The following UBTD2 variants were observed in gnomAD, a reference collection of about 807,000 sequenced individuals.
UBTD2 encodes ubiquitin domain-containing protein 2.
In UBTD2, 9 loss-of-function variants were observed where a neutral mutation model predicts 19.8. The observed-to-expected ratio is 0.46, with a 90% CI of 0.27 to 0.79. UBTD2 has a LOEUF of 0.79. Among genes scored for constraint, UBTD2 ranks in the 30% least tolerant of loss-of-function variants. UBTD2 has a pLI of 0.14. For missense variants in UBTD2, 250 were observed against 300.4 expected, an observed-to-expected ratio of 0.83 and a Z score of 1.24; for synonymous variants, 98 against 103.9, an observed-to-expected ratio of 0.94 and a Z score of 0.35.
chr5:172,266,935 G>A (rs1037178612), intron 1 of UBTD2, among the ~76,000 whole-genome samples: 7 of 151,462 alleles, frequency 4.6e-5, no homozygotes, highest in African/African-American at 1.5e-4. Context: ...AGCTACCCCA[G>A]AGGCTGCCTG....
At chr5:172,256,924 A>C (rs1363728301) in intron 1 of UBTD2, among the ~76,000 whole-genome samples, 1 of 152,208 alleles carries the variant, frequency 6.6e-6, no homozygotes, top group African/African-American at 2.4e-5. Flanking sequence ...ATCTCAAAAA[A>C]AAGTTTCTAA....
chr5:172,256,704 T>C (rs1581227856), intron 1 of UBTD2, among the ~76,000 whole-genome samples: 1 of 152,094 alleles, frequency 6.6e-6, no homozygotes, highest in East Asian at 1.9e-4. Flanking sequence ...GCAGATCACC[T>C]GAGGTCAGGA....
intron 1 of UBTD2, chr5:172,254,752 T>A: frequency 3.6e-6 from 1 of 277,774 alleles, no homozygotes; most frequent in Non-Finnish European, 6.8e-6. Context: ...ACTGAGTTCA[T>A]TAAGGGGGGG....
At chr5:172,221,636 T>C (rs1048731283) in intron 2 of UBTD2, among the ~76,000 whole-genome samples, 1 of 152,152 alleles carries the variant, frequency 6.6e-6, no homozygotes, top group Non-Finnish European at 1.5e-5. Context: ...TATTTCACAC[T>C]TTGGAAAAGG....
intron 2 of UBTD2, among the ~76,000 whole-genome samples, chr5:172,218,468 T>C (rs886706442): frequency 6.6e-6 from 1 of 151,618 alleles, no homozygotes; most frequent in Non-Finnish European, 1.5e-5. Context: ...ATCAATGAAA[T>C]GGAAAAAATC....
chr5:172,227,124 C>T (rs886969704), intron 2 of UBTD2, among the ~76,000 whole-genome samples: 4 of 152,106 alleles, frequency 2.6e-5, no homozygotes. Flanking sequence ...ATAACATACT[C>T]CCTGGGACCA....
intron 2 of UBTD2, among the ~76,000 whole-genome samples, chr5:172,213,521 G>A (rs1771487989): frequency 6.6e-6 from 1 of 152,158 alleles, no homozygotes; most frequent in South Asian, 2.1e-4. Flanking sequence ...ATGACATAAC[G>A]AGCTAGCTCA....
intron 1 of UBTD2, among the ~76,000 whole-genome samples, chr5:172,258,281 T>G (rs1358807111): frequency 6.6e-6 from 1 of 152,186 alleles, no homozygotes; most frequent in Non-Finnish European, 1.5e-5. Flanking sequence ...CTTACTTTGT[T>G]GAAGATCAGA....
intron 2 of UBTD2, among the ~76,000 whole-genome samples, chr5:172,218,816 A>T (rs1279062597): frequency 1.1e-4 from 8 of 71,132 alleles, no homozygotes; most frequent in African/African-American, 2.5e-4. Context: ...AAAATAAAAA[A>T]TAAAAATAAA....
At chr5:172,271,055 T>C (rs192808634) in intron 1 of UBTD2, among the ~76,000 whole-genome samples, 3 of 152,160 alleles carry the variant, frequency 2.0e-5, no homozygotes, top group South Asian at 2.1e-4. Flanking sequence ...GCTATGTTTT[T>C]TCGTATCTCT....
chr5:172,211,508 T>C lies in UBTD2; in HGVS notation c.*322A>G, dbSNP rs188054619. 4.7e-6 allele frequency: 1 copy of C among 213,692 alleles called. No homozygotes were observed. The highest frequency in any genetic ancestry group is 1.0e-4 in the East Asian group (1 of 9,650). The allele number at this position is 213,692 out of a possible 1,614,324, so 13.2% of individuals were successfully genotyped here. A position where few individuals can be genotyped will look rare whatever the true frequency, so the allele number is the denominator to read the frequency against. On this transcript the variant is annotated 3_prime_UTR_variant, in exon 3 of 3. Coordinates refer to ENST00000393792, the MANE Select transcript of UBTD2 (RefSeq NM_152277.3). ...TTGGTGCTGTCCTTCATGGATGCAATGTTTCATTTACAGTCCAAGTCACTG... is the reference window on the plus strand; with the variant it reads ...TTGGTGCTGTCCTTCATGGATGCAACGTTTCATTTACAGTCCAAGTCACTG...
rs183250183 is a variant in UBTD2 at position 172,253,479 on chromosome 5, G to A, written c.71-19121C>T. Among the ~76,000 whole-genome samples the A allele has an allele frequency of 4.4e-3, 656 of 149,338 alleles. 4 individuals are homozygous for A. The highest frequency in any genetic ancestry group is 0.016 in the African/African-American group (635 of 40,632). On this transcript the variant is annotated intron_variant, in intron 1 of 2. Coordinates refer to ENST00000393792, the MANE Select transcript of UBTD2 (RefSeq NM_152277.3). Reference sequence around the variant, plus strand: ...TCAATTTTTTTTTTTTTTTGAGATGGAGTCTCACTCTGTTGCCAGGCTGTA... The same window carrying A: ...TCAATTTTTTTTTTTTTTTGAGATGAAGTCTCACTCTGTTGCCAGGCTGTA...
intron 1 of UBTD2, among the ~76,000 whole-genome samples, chr5:172,277,032 G>A (rs530915373): frequency 5.2e-5 from 6 of 114,574 alleles, no homozygotes; most frequent in Admixed American, 3.8e-4. Context: ...TCATGCCACT[G>A]TACTCCACCC....
At position 172,212,192 on chromosome 5, in the gene UBTD2, T is replaced by C; in HGVS notation, c.343A>G (p.Arg115Gly). Residue 115 changes from arginine to glycine, a missense_variant, in exon 3 of 3, where the codon AGA becomes GGA. By Grantham distance (125) the Arg-to-Gly change is moderately radical (BLOSUM62 -2). Coordinates refer to ENST00000393792, the MANE Select transcript of UBTD2 (RefSeq NM_152277.3). ...LTECYDELGN[R>G]YQLPVYCLAP... is the part of the protein sequence containing the mutation. ...AAGCAATACACTGGAAGCTGATATC[T>C]GTTCCCCAGTTCATCGTAGCACTCT... 6.2e-7 allele frequency: 1 copy of C among 1,612,376 alleles called. No homozygotes were observed. The highest frequency in any genetic ancestry group is 8.5e-7 in the Non-Finnish European group (1 of 1,178,474).
intron 2 of UBTD2, among the ~76,000 whole-genome samples, chr5:172,223,274 G>A (rs1222931704): frequency 1.3e-5 from 2 of 152,084 alleles, no homozygotes; most frequent in African/African-American, 4.8e-5. Flanking sequence ...TAAGTTTGGA[G>A]AGCAATAATT....
Position 172,212,020 on chromosome 5 carries a change from T to C in UBTD2, c.515A>G (p.Asp172Gly). The change falls in exon 3 of 3, where the codon GAC (aspartate) becomes GGC (glycine). Residue 172 changes from aspartate to glycine, a missense_variant. Asp to Gly is a moderately conservative substitution (Grantham distance 94). Transcript: ENST00000393792. ...KDLKLVVRST[D>G]TVFHMKRRLH... is the part of the protein sequence containing the mutation. ...CCGTCTCTTCATGTGGAATACTGTGTCTGTGCTGCGAACCACAAGCTTGAG... is the reference window on the plus strand; with the variant it reads ...CCGTCTCTTCATGTGGAATACTGTGCCTGTGCTGCGAACCACAAGCTTGAG... The C allele has an allele frequency of 6.2e-7, 1 of 1,614,232 alleles. No homozygotes were observed. The highest frequency in any genetic ancestry group is 1.7e-5 in the Admixed American group (1 of 60,034).
Position 172,283,750 on chromosome 5 carries a change from C to G in UBTD2, c.-85G>C, listed in dbSNP as rs1234295864. 5.0e-6 allele frequency: 5 copies of G among 992,898 alleles called. No homozygotes were observed. Among genetic ancestry groups the G allele is most frequent in the Non-Finnish European group, 6.3e-6 (5 of 797,390 alleles). The allele number at this position is 992,898 out of a possible 1,614,324, so 61.5% of individuals were successfully genotyped here. A position where few individuals can be genotyped will look rare whatever the true frequency, so the allele number is the denominator to read the frequency against. On this transcript the variant is annotated 5_prime_UTR_variant, in exon 1 of 3. Transcript: ENST00000393792. This position sits in a 1 kb window ranked among gnomAD's most constrained non-coding sequence, Gnocchi z 4.3. ...CCGCTGCAGCCTCCTCCGGCGCCAC[C>G]GCCGAGCTCCGGACAGGCGCGCCGC...
intron 1 of UBTD2, among the ~76,000 whole-genome samples, chr5:172,278,711 C>T (rs1755654180): frequency 6.6e-6 from 1 of 152,106 alleles, no homozygotes; most frequent in Non-Finnish European, 1.5e-5. Flanking sequence ...ATAATCAATG[C>T]CACTGAATTA....
intron 2 of UBTD2, among the ~76,000 whole-genome samples, chr5:172,232,797 T>A (rs931149461): frequency 2.0e-5 from 3 of 150,578 alleles, no homozygotes; most frequent in African/African-American, 4.9e-5. Context: ...GGTGGGAGGA[T>A]CTCTTGAGCC....
Sources: gnomAD v4.1 joint callset for allele counts (sites outside exome capture counted in the v4.1 genomes callset) on GRCh38, gnomAD v4.1.1 for gene constraint, Gnocchi (gnomAD v3.1) non-coding constraint, MANE v1.5 for transcripts, NCBI Gene and HGNC (gene_info 2026-07-23, HGNC 2026-07-21) for gene names.